GAPVD1: variants seen among roughly 807,000 people sequenced by gnomAD.
GAPVD1 encodes the protein GTPase activating protein and VPS9 domains 1.
In GAPVD1, 35 loss-of-function variants were observed where a neutral mutation model predicts 155.5. The observed-to-expected ratio is 0.23, with a 90% CI of 0.17 to 0.30. The LOEUF (loss-of-function observed/expected upper bound fraction) is 0.30. Ranked by LOEUF, GAPVD1 falls within the 10% of genes least tolerant of loss-of-function variation. The pLI, the probability that GAPVD1 is intolerant of heterozygous loss-of-function variation, is 1.00. For synonymous variants in GAPVD1, 636 were observed against 619.7 expected (o/e 1.03, Z -0.39); for missense variants, 1,429 against 1,775.7 (o/e 0.80, Z 3.51).
intron 12 of GAPVD1, among the ~76,000 whole-genome samples, chr9:125,328,185 TTTC>T (rs1198287360): frequency 1.4e-5 from 2 of 147,390 alleles, no homozygotes; most frequent in Non-Finnish European, 3.0e-5. Flanking sequence ...TGCAAATAGA[TTTC>T]TTTTTTTTTT....
intron 2 of GAPVD1, among the ~76,000 whole-genome samples, chr9:125,274,876 A>G (rs888633402): frequency 6.6e-6 from 1 of 152,180 alleles, no homozygotes; most frequent in African/African-American, 2.4e-5. Context: ...AAGTAAAGTA[A>G]CTAGCCAAAG....
At chr9:125,270,814 A>G (rs1217859685) in intron 2 of GAPVD1, among the ~76,000 whole-genome samples, 2 of 152,068 alleles carry the variant, frequency 1.3e-5, no homozygotes, top group East Asian at 3.9e-4. Context: ...GTAGTGGCAC[A>G]TGCCTGTAAT....
chr9:125,304,968 T>A, intron 5 of GAPVD1, 95 bp from the exon 6 acceptor site: 1 of 783,908 alleles, frequency 1.3e-6, no homozygotes, highest in Non-Finnish European at 2.2e-6. Context: ...TGAAACAGAT[T>A]TTTAGAACAG....
Position 125,326,573 on chromosome 9 carries a change from C to T in GAPVD1, c.2016C>T (p.Arg672=), listed in dbSNP as rs781464399. The T allele has an allele frequency of 3.7e-5, 60 of 1,611,486 alleles. No individual in the cohort carries two copies. The highest frequency in any genetic ancestry group is 4.2e-5 in the Non-Finnish European group (49 of 1,178,262). ...TTGACCCTAATATTGATGAAGATCG[C>T]TTGCAAGAAATTGCAGGTAACTGCC... ...SDFDPNIDED[R]LQEIAGAAAE... The change falls in exon 12 of 28, where the codon CGC becomes CGT. Residue 672 remains arginine (R), a synonymous_variant. Coordinates refer to ENST00000297933, the MANE Select transcript of GAPVD1 (RefSeq NM_001282680.3).
At chr9:125,288,151 G>A (rs1310612487) in intron 2 of GAPVD1, among the ~76,000 whole-genome samples, 4 of 141,186 alleles carry the variant, frequency 2.8e-5, no homozygotes, top group Non-Finnish European at 4.6e-5. Flanking sequence ...TCACTCTGTC[G>A]CCCAGGCTGG....
rs1358030987 is a variant in GAPVD1 at position 125,362,595 on chromosome 9, C to T, written c.4243-11C>T. 8 of 1,573,172 alleles carry T rather than the reference C, an allele frequency of 5.1e-6. No individual in the cohort carries two copies. Among genetic ancestry groups the T allele is most frequent in the African/African-American group, 2.7e-5 (2 of 73,012 alleles). On this transcript the variant is annotated splice_polypyrimidine_tract_variant and intron_variant, in intron 27 of 27. Transcript: ENST00000297933. The stretch of plus-strand genomic sequence containing the variant: ...GAGTAATTGATTCTTTTTTATTTTT[C>T]ACTTCTCTAGGCAAATCCACCCTGT...
chr9:125,316,748 T>C (rs2131368737), intron 9 of GAPVD1, among the ~76,000 whole-genome samples: 1 of 152,352 alleles, frequency 6.6e-6, no homozygotes, highest in Admixed American at 6.5e-5. Context: ...CCTTTGGGTA[T>C]ATACACCCAG....
chr9:125,275,730 TG>T, intron 2 of GAPVD1, among the ~76,000 whole-genome samples: 1 of 152,160 alleles, frequency 6.6e-6, no homozygotes, highest in South Asian at 2.1e-4. Context: ...CACTCTAGCC[TG>T]GGGGACAGAG....
At chr9:125,327,708 T>C (rs1845403014) in intron 12 of GAPVD1, among the ~76,000 whole-genome samples, 1 of 152,196 alleles carries the variant, frequency 6.6e-6, no homozygotes, top group Non-Finnish European at 1.5e-5. Flanking sequence ...TTCACCATAT[T>C]GGCCAGGCTG....
chr9:125,323,810 G>A lies in GAPVD1; in HGVS notation c.1745G>A (p.Arg582His), dbSNP rs372630662. The A allele has an allele frequency of 1.1e-5, 18 of 1,613,392 alleles. No homozygotes were observed. Among genetic ancestry groups the A allele is most frequent in the African/African-American group, 2.7e-5 (2 of 74,892 alleles). The change falls in exon 11 of 28, where the codon CGC (arginine) becomes CAC (histidine). Residue 582 changes from arginine (R) to histidine (H), a missense_variant. Arg to His is a conservative substitution (Grantham distance 29, BLOSUM62 0). Transcript: ENST00000297933. ...AACATTTCTCTAGGTCCTTCAAATC[G>A]CTCCAATTCAGTGTCCTCCCTAGAC... The part of the protein sequence containing the change: ...LEGISEGPSN[R>H]SNSVSSLDLE...
chr9:125,328,286 A>G (rs1845515580), intron 12 of GAPVD1, among the ~76,000 whole-genome samples: 1 of 133,726 alleles, frequency 7.5e-6, no homozygotes, highest in Non-Finnish European at 1.6e-5. Flanking sequence ...TAGTGGAGGG[A>G]AGGTCAGCAG....
chr9:125,297,276 G>T (rs948042488), intron 3 of GAPVD1, among the ~76,000 whole-genome samples: 1 of 152,188 alleles, frequency 6.6e-6, no homozygotes, highest in East Asian at 1.9e-4. Context: ...AGCAAACAAG[G>T]CTTGGCCCTG....
intron 26 of GAPVD1, chr9:125,359,712 C>T (rs973726495): frequency 1.0e-5 from 5 of 490,742 alleles, no homozygotes; most frequent in Non-Finnish European, 1.8e-5. Context: ...AGGAGCCCTT[C>T]CTTGATGCCA....
At chr9:125,308,116 T>G in intron 8 of GAPVD1, 1 of 562,454 alleles carries the variant, frequency 1.8e-6, no homozygotes, top group Non-Finnish European at 3.1e-6. Flanking sequence ...ATCCACAGTA[T>G]ACTTTCTTTA....
At chr9:125,336,063 C>T (rs913601641) in intron 15 of GAPVD1, among the ~76,000 whole-genome samples, 2 of 150,006 alleles carry the variant, frequency 1.3e-5, no homozygotes, top group South Asian at 2.1e-4. Context: ...GAGGATCACT[C>T]GAGCCCAAGA....
rs1847173521 is a variant in GAPVD1 at position 125,337,273 on chromosome 9, A to G, written c.2559A>G (p.Pro853=). 1.9e-6 allele frequency: 3 copies of G among 1,614,134 alleles called. No homozygotes were observed. Among genetic ancestry groups the G allele is most frequent in the Non-Finnish European group, 2.5e-6 (3 of 1,179,992 alleles). The change falls in exon 17 of 28, where the codon CCA becomes CCG. Residue 853 remains proline, a synonymous_variant. Transcript: ENST00000297933. ...PKVHYARPSH[P]PPDPPILEGA... is the part of the protein sequence containing the mutation. ...TTCACTATGCTAGGCCATCGCATCC[A>G]CCACCAGATCCCCCAATCCTGGAAG...
intron 1 of GAPVD1, chr9:125,263,808 TG>T: frequency 9.4e-7 from 1 of 1,067,850 alleles, no homozygotes; most frequent in Non-Finnish European, 1.4e-6. Context: ...TGCCGGTCTC[TG>T]GACAGCTATG....
chr9:125,328,212 A>AT (rs1351885375), intron 12 of GAPVD1, among the ~76,000 whole-genome samples: 10 of 110,388 alleles, frequency 9.1e-5, no homozygotes, highest in Non-Finnish European at 3.8e-5. Context: ...TTTTAAATTT[A>AT]TTTTTTTATT....
rs550220093 is a variant in GAPVD1 at position 125,302,893 on chromosome 9, T to C, written c.1029+67T>C. The C allele has an allele frequency of 5.9e-6, 9 of 1,517,862 alleles. No individual in the cohort carries two copies. In the East Asian group the frequency reaches 1.8e-4, roughly 31 times the overall value. 94.0% of individuals were successfully genotyped at this position (1,517,862 alleles called of 1,614,324 possible). Reference sequence around the variant, plus strand: ...AATTCAGTTGATTGGGCTGTGGGGGTGGGAACAAATAATACGATGACAGTA... The same window carrying C: ...AATTCAGTTGATTGGGCTGTGGGGGCGGGAACAAATAATACGATGACAGTA... On this transcript the variant is annotated intron_variant, in intron 5 of 27. Transcript: ENST00000297933.
Sources: allele counts gnomAD v4.1 joint callset (sites outside exome capture counted in the v4.1 genomes callset), GRCh38; gene constraint gnomAD v4.1.1; transcripts MANE v1.5; gene names NCBI Gene and HGNC (gene_info 2026-07-23, HGNC 2026-07-21).